TMTC2: variants seen among roughly 807,000 people sequenced by gnomAD.
The protein encoded by TMTC2 is protein O-mannosyl-transferase TMTC2.
A neutral mutation model predicts 82.4 loss-of-function variants in TMTC2; 43 were observed. The observed-to-expected ratio is 0.52, with a 90% CI of 0.41 to 0.67. The LOEUF (loss-of-function observed/expected upper bound fraction) is 0.67, where lower values mean the gene tolerates loss of function less well. TMTC2 is among the 30% of genes least tolerant of loss of function. TMTC2 has a pLI of 0.00. For missense variants in TMTC2, 919 were observed against 1,012.4 expected (o/e 0.91, Z 1.25); for synonymous variants, 408 against 381.9 (o/e 1.07, Z -0.80).
intron 2 of TMTC2, among the ~76,000 whole-genome samples, chr12:82,881,039 G>C (rs1442657582): frequency 2.0e-5 from 3 of 151,976 alleles, no homozygotes; most frequent in African/African-American, 7.3e-5. Flanking sequence ...AAAACTCAAA[G>C]ATACACATCT....
At chr12:82,901,721 G>T (rs1216846605) in intron 3 of TMTC2, among the ~76,000 whole-genome samples, 1 of 152,034 alleles carries the variant, frequency 6.6e-6, no homozygotes, top group East Asian at 1.9e-4. Context: ...AGGCTTTATT[G>T]TGAGATTTTA....
intron 11 of TMTC2, among the ~76,000 whole-genome samples, chr12:83,106,591 G>A (rs1884408984): frequency 1.3e-5 from 2 of 151,108 alleles, no homozygotes; most frequent in African/African-American, 4.9e-5. Context: ...GGCCTACCAT[G>A]AATTACTGTT....
At chr12:82,817,955 A>G (rs998303836) in intron 1 of TMTC2, among the ~76,000 whole-genome samples, 6 of 152,024 alleles carry the variant, frequency 3.9e-5, no homozygotes, top group Admixed American at 2.6e-4. Flanking sequence ...CTTGGGTGGC[A>G]TTTTCTGTAT....
At chr12:83,019,020 G>A (rs1320872954) in intron 8 of TMTC2, among the ~76,000 whole-genome samples, 1 of 152,132 alleles carries the variant, frequency 6.6e-6, no homozygotes, top group Non-Finnish European at 1.5e-5. Flanking sequence ...GGAATCAAGT[G>A]TTGTTAGAGC....
At chr12:82,716,361 A>AT (rs750327404) in intron 1 of TMTC2, among the ~76,000 whole-genome samples, 1,333 of 128,980 alleles carry the variant, frequency 0.01, 14 homozygotes, top group East Asian at 0.039. Context: ...TGTCTGGTAC[A>AT]TTTTTTTTTT....
intron 8 of TMTC2, among the ~76,000 whole-genome samples, chr12:82,989,822 A>G (rs1407459568): frequency 6.6e-6 from 1 of 151,606 alleles, no homozygotes; most frequent in Non-Finnish European, 1.5e-5. Context: ...AGACTCCTAT[A>G]CTACAATCCA....
chr12:82,973,861 A>C (rs545694334), intron 7 of TMTC2, among the ~76,000 whole-genome samples: 1 of 152,346 alleles, frequency 6.6e-6, no homozygotes, highest in South Asian at 2.1e-4. Flanking sequence ...GATATGAGAC[A>C]GTTGATTATA....
At chr12:82,991,046 A>G (rs572425168) in intron 8 of TMTC2, among the ~76,000 whole-genome samples, 1 of 152,256 alleles carries the variant, frequency 6.6e-6, no homozygotes, top group Non-Finnish European at 1.5e-5. Context: ...GACATGTGAT[A>G]TTTAATAGAA....
intron 1 of TMTC2, among the ~76,000 whole-genome samples, chr12:82,697,334 CAAA>C (rs367770708): frequency 5.2e-4 from 32 of 61,672 alleles, no homozygotes; most frequent in African/African-American, 1.1e-3. Flanking sequence ...CAGCCTGTCT[CAAA>C]AAAAAAAAAA....
At chr12:82,723,851 C>A (rs1433067633) in intron 1 of TMTC2, among the ~76,000 whole-genome samples, 1 of 152,186 alleles carries the variant, frequency 6.6e-6, no homozygotes, top group Non-Finnish European at 1.5e-5. Flanking sequence ...TACTACAGGG[C>A]TGCTGGTGTG....
chr12:82,952,111 T>C (rs113357016), intron 4 of TMTC2, among the ~76,000 whole-genome samples: 80 of 152,286 alleles, frequency 5.3e-4, no homozygotes, highest in Middle Eastern at 3.4e-3. Context: ...TGAACTTTTT[T>C]TTCTGAGATG....
intron 1 of TMTC2, among the ~76,000 whole-genome samples, chr12:82,841,370 CTCTT>C (rs1329844617): frequency 1.3e-5 from 2 of 152,186 alleles, no homozygotes; most frequent in Non-Finnish European, 2.9e-5. Flanking sequence ...GTTAATATCT[CTCTT>C]TCTCCCCTCA....
chr12:82,718,571 C>A (rs900410133), intron 1 of TMTC2, among the ~76,000 whole-genome samples: 1 of 152,158 alleles, frequency 6.6e-6, no homozygotes, highest in African/African-American at 2.4e-5. Flanking sequence ...ATACTGTGAA[C>A]GTCAAGGGTT....
chr12:82,741,751 G>T (rs148817018), intron 1 of TMTC2, among the ~76,000 whole-genome samples: 1 of 152,240 alleles, frequency 6.6e-6, no homozygotes, highest in Non-Finnish European at 1.5e-5. Context: ...TGTGGAGGCT[G>T]TAGTGTTTAT....
rs1020695619 is a variant in TMTC2, at chr12:82,687,211, C to T, written c.-376C>T. The T allele has an allele frequency of 3.2e-5, 9 of 280,602 alleles. No homozygotes were observed. The highest frequency in any genetic ancestry group is 8.9e-5 in the African/African-American group (4 of 45,180). The allele number at this position is 280,602 out of a possible 1,614,324, so 17.4% of individuals were successfully genotyped here. A position where few individuals can be genotyped will look rare whatever the true frequency, so the allele number is the denominator to read the frequency against. On this transcript the variant is annotated 5_prime_UTR_variant, in exon 1 of 12. Transcript: ENST00000321196. ...CCCATCCCGCACCCTTCCACCTCCT[C>T]CGAGTCCCACTCCTCACCTAGGACG...
chr12:82,862,666 G>T (rs1871608449), intron 2 of TMTC2, among the ~76,000 whole-genome samples: 1 of 152,170 alleles, frequency 6.6e-6, no homozygotes, highest in African/African-American at 2.4e-5. Context: ...GAGACATTGA[G>T]ATTTTCCAGT....
rs369829018 is a variant in TMTC2 at position 82,846,829 on chromosome 12, G to C, written c.84-10181G>C. On this transcript the variant is annotated intron_variant, in intron 1 of 11. Transcript: ENST00000321196. ...GCCAGCATTTATTAATGCTTACAAA[G>C]TTGTCATTTTTGTCCATGAAAGTTT... Among the ~76,000 whole-genome samples the C allele has an allele frequency of 5.9e-5, 9 of 152,138 alleles. No homozygotes were observed. In the East Asian group the frequency reaches 1.7e-3, roughly 29 times the overall value.
At chr12:82,868,455 G>T (rs7139323) in intron 2 of TMTC2, among the ~76,000 whole-genome samples, 1 of 152,110 alleles carries the variant, frequency 6.6e-6, no homozygotes, top group Non-Finnish European at 1.5e-5. Flanking sequence ...AAGTACATAT[G>T]CCAGTTTTCC....
intron 1 of TMTC2, 126 bp downstream of exon 1, chr12:82,687,795 G>T: frequency 1.1e-6 from 1 of 917,460 alleles, no homozygotes. Flanking sequence ...TGGTTTAGGC[G>T]ACACGTAAAC....
Sources: allele counts gnomAD v4.1 joint callset (sites outside exome capture counted in the v4.1 genomes callset), GRCh38; gene constraint gnomAD v4.1.1; transcripts MANE v1.5; gene names NCBI Gene and HGNC (gene_info 2026-07-23, HGNC 2026-07-21).